The following CCDC186 variants were observed in gnomAD, a reference collection of about 807,000 sequenced individuals.
CCDC186 encodes coiled-coil domain-containing protein 186.
In CCDC186, 49 loss-of-function variants were observed where a neutral mutation model predicts 113.7. The ratio of observed to expected loss-of-function variants is 0.43; its 90% CI spans 0.34 to 0.55. CCDC186 has a LOEUF of 0.55. CCDC186 is among the 20% of genes least tolerant of loss of function. The pLI is 0.02. For synonymous variants in CCDC186, 355 were observed against 345.8 expected, an observed-to-expected ratio of 1.03 and a Z score of -0.30; for missense variants, 890 against 1,011.1, an observed-to-expected ratio of 0.88 and a Z score of 1.62.
chr10:114,165,432 G>T (rs1030384825), intron 1 of CCDC186, among the ~76,000 whole-genome samples: 2 of 152,158 alleles, frequency 1.3e-5, no homozygotes, highest in Non-Finnish European at 2.9e-5. Context: ...GGTGGCTCAC[G>T]CCTGTAATCC....
At chr10:114,136,875 T>C (rs972603306) in intron 7 of CCDC186, among the ~76,000 whole-genome samples, 1 of 152,146 alleles carries the variant, frequency 6.6e-6, no homozygotes, top group South Asian at 2.1e-4. Context: ...TCCTAGCACT[T>C]TGGGAGACTG....
intron 7 of CCDC186, 71 bp from the exon 8 acceptor site, chr10:114,136,317 C>G (rs1027627008): frequency 3.6e-5 from 37 of 1,024,770 alleles, no homozygotes; most frequent in Non-Finnish European, 5.2e-5. Context: ...GAATACTCGT[C>G]TCTAATCCTA....
chr10:114,153,120 A>C (rs1200287812), intron 3 of CCDC186, among the ~76,000 whole-genome samples: 1 of 152,210 alleles, frequency 6.6e-6, no homozygotes, highest in Non-Finnish European at 1.5e-5. Flanking sequence ...ATGGAATCTA[A>C]TACATCTATA....
At position 114,166,394 on chromosome 10, in the gene CCDC186, C is replaced by T. The variant is rs1341201732; in HGVS notation, c.-61-3065G>A. On this transcript the variant is annotated intron_variant, in intron 1 of 15. Coordinates refer to ENST00000369287, the MANE Select transcript of CCDC186 (RefSeq NM_018017.4). ...GTTTAAAGGACCAATTCTAATGTCA[C>T]ATCTTCCTCCAAATTTTCTCTCATC... Among the ~76,000 whole-genome samples the T allele has an allele frequency of 2.0e-5, 3 of 152,198 alleles. No individual in the cohort carries two copies. The East Asian group carries it at 5.8e-4, about 29-fold the overall frequency.
intron 10 of CCDC186, 24 bp from the exon 11 acceptor site, chr10:114,132,208 A>T: frequency 6.8e-7 from 1 of 1,463,722 alleles, no homozygotes; most frequent in Non-Finnish European, 9.2e-7. Flanking sequence ...TTTATATTTA[A>T]GAAAAAATAA....
At chr10:114,132,326 G>A in intron 10 of CCDC186, 142 bp from the exon 11 acceptor site, 1 of 622,458 alleles carries the variant, frequency 1.6e-6, no homozygotes, top group South Asian at 3.3e-5. Flanking sequence ...CCTAATATAT[G>A]CCAGGAAATA....
intron 6 of CCDC186, among the ~76,000 whole-genome samples, chr10:114,142,741 G>C (rs1330531878): frequency 6.6e-6 from 1 of 152,188 alleles, no homozygotes; most frequent in Non-Finnish European, 1.5e-5. Flanking sequence ...GATCCAGTAA[G>C]CTACAGGACT....
chr10:114,141,704 C>A (rs1463544066), intron 6 of CCDC186, among the ~76,000 whole-genome samples: 1 of 152,094 alleles, frequency 6.6e-6, no homozygotes, highest in Non-Finnish European at 1.5e-5. Flanking sequence ...CAGCTGAAGA[C>A]TTGAAGGGAA....
At chr10:114,127,912 A>AT (rs1323086532) in intron 13 of CCDC186, among the ~76,000 whole-genome samples, 1 of 152,192 alleles carries the variant, frequency 6.6e-6, no homozygotes, top group African/African-American at 2.4e-5. Context: ...CTCAAAAAGA[A>AT]TAACAAGTCT....
At chr10:114,156,833 A>C (rs2032025333) in intron 3 of CCDC186, among the ~76,000 whole-genome samples, 1 of 152,212 alleles carries the variant, frequency 6.6e-6, no homozygotes, top group Non-Finnish European at 1.5e-5. Context: ...TTCACAATAT[A>C]GTTTTTAAAA....
intron 3 of CCDC186, among the ~76,000 whole-genome samples, chr10:114,157,178 A>ATTT (rs34377537): frequency 4.8e-4 from 58 of 121,160 alleles, no homozygotes; most frequent in Non-Finnish European, 6.2e-4. Flanking sequence ...AGTTTTCAGA[A>ATTT]TTTTTTTTTT....
At position 114,125,873 on chromosome 10, in the gene CCDC186, GA is replaced by G; in HGVS notation, c.2613+12del. The stretch of plus-strand genomic sequence containing the variant: ...TGTTTACTGGTTGGTGTGTGAATGA[GA>G]AACACAAATACCTTCAAAGTAATAT... On this transcript the variant is annotated intron_variant, in intron 15 of 15. Coordinates refer to ENST00000369287, the MANE Select transcript of CCDC186 (RefSeq NM_018017.4). 1 of 1,608,366 alleles carries G rather than the reference GA, an allele frequency of 6.2e-7. No individual in the cohort carries two copies. Among genetic ancestry groups the G allele is most frequent in the Non-Finnish European group, 8.5e-7 (1 of 1,175,082 alleles).
At chr10:114,150,153 C>A (rs1007406055) in intron 4 of CCDC186, among the ~76,000 whole-genome samples, 4 of 152,170 alleles carry the variant, frequency 2.6e-5, no homozygotes, top group African/African-American at 9.7e-5. Context: ...GGATCCATCA[C>A]ATTCAAATAA....
intron 1 of CCDC186, among the ~76,000 whole-genome samples, chr10:114,165,057 T>C (rs574514904): frequency 6.6e-6 from 1 of 152,340 alleles, no homozygotes; most frequent in East Asian, 1.9e-4. Context: ...ATGGGAGGAA[T>C]AAGTGTAAGA....
chr10:114,145,938 A>G (rs1458952304), intron 4 of CCDC186, among the ~76,000 whole-genome samples, 177 bp from the exon 5 acceptor site: 5 of 152,192 alleles, frequency 3.3e-5, no homozygotes, highest in Non-Finnish European at 5.9e-5. Flanking sequence ...ATTATAGAAA[A>G]ATGGTACAAT....
At position 114,125,110 on chromosome 10, in the gene CCDC186, G is replaced by GCTT; in HGVS notation, c.*30_*32dup. 1 of 1,519,254 alleles carries GCTT rather than the reference G, an allele frequency of 6.6e-7. No homozygotes were observed. Among genetic ancestry groups the GCTT allele is most frequent in the Non-Finnish European group, 9.0e-7 (1 of 1,110,366 alleles). 94.1% of individuals were successfully genotyped at this position (1,519,254 alleles called of 1,614,324 possible). A position where few individuals can be genotyped will look rare whatever the true frequency, so the allele number is the denominator to read the frequency against. On this transcript the variant is annotated 3_prime_UTR_variant, in exon 16 of 16. Coordinates refer to ENST00000369287, the MANE Select transcript of CCDC186 (RefSeq NM_018017.4). Reference sequence around the variant, plus strand: ...GGTCAGTGGCACCTACTCCTGTGTGGCTTTTGTCTCTTTACTGAGCAAGAG... The same window carrying GCTT: ...GGTCAGTGGCACCTACTCCTGTGTGGCTTCTTTTGTCTCTTTACTGAGCAAGAG...
chr10:114,166,555 G>A (rs976600094), intron 1 of CCDC186, among the ~76,000 whole-genome samples: 1 of 152,226 alleles, frequency 6.6e-6, no homozygotes, highest in Non-Finnish European at 1.5e-5. Context: ...CTTGCACGAA[G>A]ATGGAACCTC....
At chr10:114,162,603 G>C in intron 2 of CCDC186, 34 bp downstream of exon 2, 2 of 1,428,808 alleles carry the variant, frequency 1.4e-6, no homozygotes, top group Non-Finnish European at 1.9e-6. Context: ...GCCTGTGAGG[G>C]AAAAAAAATA....
At chr10:114,130,735 A>AT (rs1564905420) in intron 12 of CCDC186, 2 of 152,678 alleles carry the variant, frequency 1.3e-5, no homozygotes, top group Non-Finnish European at 2.9e-5. Context: ...ATTTATACTG[A>AT]TATTTAAAAA....
Sources: allele counts gnomAD v4.1 joint callset (sites outside exome capture counted in the v4.1 genomes callset), GRCh38; gene constraint gnomAD v4.1.1; transcripts MANE v1.5; gene names NCBI Gene and HGNC (gene_info 2026-07-23, HGNC 2026-07-21).